SSH2: variants seen among roughly 807,000 people sequenced by gnomAD.
The protein encoded by SSH2 is protein phosphatase Slingshot homolog 2.
A neutral mutation model predicts 135.2 loss-of-function variants in SSH2; 37 were observed. The observed-to-expected ratio is 0.27, with a 90% CI of 0.21 to 0.36. The LOEUF (loss-of-function observed/expected upper bound fraction) is 0.36, where lower values mean the gene tolerates loss of function less well. Among genes scored for constraint, SSH2 ranks in the 10% least tolerant of loss-of-function variants. SSH2 has a pLI of 1.00. For missense variants in SSH2, 1,408 were observed against 1,765.3 expected, an observed-to-expected ratio of 0.80 and a Z score of 3.63; for synonymous variants, 628 against 646.2, an observed-to-expected ratio of 0.97 and a Z score of 0.43.
intron 4 of SSH2, among the ~76,000 whole-genome samples, chr17:29,696,644 CA>C: frequency 1.4e-5 from 2 of 147,256 alleles, no homozygotes; most frequent in Non-Finnish European, 1.5e-5. Context: ...CACACACACA[CA>C]CACCTATGTA....
rs1454976201 is a variant in SSH2 at position 29,800,934 on chromosome 17, C to T, written c.145-6997G>A. ...AGGCTGGAGTGCAGTGGTGCGATCT[C>T]GGCTCACTGCACCCTCTGCCTCCTG... On this transcript the variant is annotated intron_variant, in intron 2 of 15. Coordinates refer to ENST00000540801, the MANE Select transcript of SSH2 (RefSeq NM_001282129.2). Among the ~76,000 whole-genome samples, 23 of 150,516 alleles carry T rather than the reference C, an allele frequency of 1.5e-4. 1 individual carries two copies. The East Asian group carries it at 2.9e-3, about 19-fold the overall frequency.
At chr17:29,750,559 C>T (rs2040901690) in intron 3 of SSH2, among the ~76,000 whole-genome samples, 1 of 151,924 alleles carries the variant, frequency 6.6e-6, no homozygotes, top group South Asian at 2.1e-4. Context: ...GACAGCATCT[C>T]CTCTGTTGCC....
chr17:29,799,781 C>T (rs1416000379), intron 2 of SSH2, among the ~76,000 whole-genome samples: 3 of 152,234 alleles, frequency 2.0e-5, no homozygotes, highest in African/African-American at 7.2e-5. Context: ...TTGAGTACTA[C>T]GATGGGCTAG....
intron 14 of SSH2, among the ~76,000 whole-genome samples, chr17:29,646,728 G>A (rs966498787): frequency 7.3e-5 from 11 of 151,686 alleles, no homozygotes; most frequent in Non-Finnish European, 1.5e-4. Context: ...TCAAACTCCC[G>A]ACCTTGTGAT....
intron 8 of SSH2, among the ~76,000 whole-genome samples, chr17:29,675,153 C>T (rs966314145): frequency 1.3e-5 from 2 of 152,114 alleles, no homozygotes; most frequent in African/African-American, 4.8e-5. Context: ...GCAAAATATG[C>T]CCTAACTCTA....
intron 3 of SSH2, chr17:29,707,092 G>T (rs1201087001): frequency 6.6e-6 from 1 of 151,456 alleles, no homozygotes; most frequent in Non-Finnish European, 1.5e-5. Flanking sequence ...GGCGGAGCTT[G>T]CAGTGAGCCG....
intron 1 of SSH2, among the ~76,000 whole-genome samples, chr17:29,902,721 G>A (rs947347507): frequency 6.6e-6 from 1 of 150,548 alleles, no homozygotes. Flanking sequence ...CCCCATATTT[G>A]CTGTGAAAGA....
At chr17:29,700,426 G>A (rs746345247) in intron 4 of SSH2, among the ~76,000 whole-genome samples, 3 of 151,976 alleles carry the variant, frequency 2.0e-5, no homozygotes, top group African/African-American at 4.8e-5. Context: ...CATTTTCTAC[G>A]GTTCTTTTAA....
At chr17:29,639,471 C>T (rs1051840434) in intron 14 of SSH2, among the ~76,000 whole-genome samples, 1 of 151,766 alleles carries the variant, frequency 6.6e-6, no homozygotes, top group East Asian at 1.9e-4. Context: ...CATGCTCAGG[C>T]GCCTGCACTA....
At chr17:29,892,079 T>A (rs2066361195) in intron 1 of SSH2, among the ~76,000 whole-genome samples, 1 of 152,034 alleles carries the variant, frequency 6.6e-6, no homozygotes, top group Non-Finnish European at 1.5e-5. Context: ...TCTTTTTTTA[T>A]TAAAAAGAGA....
intron 1 of SSH2, among the ~76,000 whole-genome samples, chr17:29,893,457 G>C (rs974789848): frequency 6.6e-6 from 1 of 152,104 alleles, no homozygotes; most frequent in Admixed American, 6.6e-5. Context: ...TATACAAGAA[G>C]TGCCATATAA....
intron 3 of SSH2, chr17:29,780,501 T>G (rs895390685): frequency 6.6e-6 from 1 of 151,202 alleles, no homozygotes; most frequent in Non-Finnish European, 1.5e-5. Flanking sequence ...CTTGGCTCAC[T>G]GCAACTTCCG....
chr17:29,868,558 T>G (rs948853329), intron 1 of SSH2, among the ~76,000 whole-genome samples: 20 of 151,906 alleles, frequency 1.3e-4, no homozygotes, highest in Non-Finnish European at 2.5e-4. Flanking sequence ...GGCAACAAGG[T>G]GAAACCCCAT....
chr17:29,709,013 T>TAGAGAG (rs779414759), intron 3 of SSH2, among the ~76,000 whole-genome samples: 10 of 88,162 alleles, frequency 1.1e-4, no homozygotes, highest in African/African-American at 2.8e-4. Context: ...TATATATATA[T>TAGAGAG]ATAGAGAGAG....
In SSH2 at chr17:29,695,358, T is replaced by C. The variant is rs144341666; in HGVS notation, c.357+101A>G. On this transcript the variant is annotated intron_variant, in intron 5 of 15. Coordinates refer to ENST00000540801, the MANE Select transcript of SSH2 (RefSeq NM_001282129.2). ...ACATTATCTTCTCTCTTACTTCACA[T>C]AGTTCCCAGCACTGTGTTGGGATGT... 5.3e-3 allele frequency: 4,231 copies of C among 801,570 alleles called. 50 individuals are homozygous for C. The highest frequency in any genetic ancestry group is 5.7e-3 in the Non-Finnish European group (2,881 of 501,074). 49.7% of individuals were successfully genotyped at this position (801,570 alleles called of 1,614,324 possible).
chr17:29,635,056 C>T (rs1487093086), intron 15 of SSH2, among the ~76,000 whole-genome samples: 1 of 151,848 alleles, frequency 6.6e-6, no homozygotes, highest in Non-Finnish European at 1.5e-5. Context: ...GCATGCGCCA[C>T]CACACCCCAG....
chr17:29,768,509 C>T (rs1048207727), intron 3 of SSH2, among the ~76,000 whole-genome samples: 4 of 151,978 alleles, frequency 2.6e-5, no homozygotes, highest in Non-Finnish European at 2.9e-5. Flanking sequence ...TGGGCTCAAG[C>T]GATCCTCCTG....
At chr17:29,715,297 G>A (rs2039582518) in intron 3 of SSH2, among the ~76,000 whole-genome samples, 1 of 151,080 alleles carries the variant, frequency 6.6e-6, no homozygotes, top group African/African-American at 2.4e-5. Flanking sequence ...TCAGGCTGGA[G>A]TGCAGTGGCG....
chr17:29,913,349 TATATATATATATATATATATA>T (rs1247635083), intron 1 of SSH2, among the ~76,000 whole-genome samples: 1 of 16,606 alleles, frequency 6.0e-5, no homozygotes, highest in Non-Finnish European at 1.1e-4. Context: ...AAAAAAAAAA[TATATATATATATATATATATA>T]TATATATATA....
Sources: allele counts gnomAD v4.1 joint callset (sites outside exome capture counted in the v4.1 genomes callset), GRCh38; gene constraint gnomAD v4.1.1; transcripts MANE v1.5; gene names NCBI Gene and HGNC (gene_info 2026-07-23, HGNC 2026-07-21).